The following CYP26B1 variants were observed in gnomAD, a reference collection of about 807,000 sequenced individuals.
CYP26B1 encodes the protein cytochrome P450 26B1.
CYP26B1 carries 8 observed loss-of-function variants against 39.1 expected under a neutral mutation model. The observed-to-expected ratio is 0.20, with a 90% confidence interval of 0.12 to 0.37. The LOEUF (loss-of-function observed/expected upper bound fraction) is 0.37. Ranked by LOEUF, CYP26B1 falls within the 10% of genes least tolerant of loss-of-function variation. CYP26B1 has a pLI of 1.00. For missense variants in CYP26B1, 615 were observed against 707.0 expected (o/e 0.87, Z 1.48); for synonymous variants, 321 against 314.3 (o/e 1.02, Z -0.23).
At position 72,147,578 on chromosome 2, in the gene CYP26B1, C is replaced by T. The variant is rs1190443098; in HGVS notation, c.204+53G>A. ...TGGCCGGCCCGCCGCTCCGTCTGCC[C>T]CGCGCTCGCAGCTAGCGGACCCCGG... On this transcript the variant is annotated intron_variant, in intron 1 of 5. Coordinates refer to ENST00000001146, the MANE Select transcript of CYP26B1 (RefSeq NM_019885.4). The surrounding 1 kb of genome is among the most constrained non-coding windows in gnomAD (Gnocchi z 6.1). The T allele has an allele frequency of 6.5e-7, 1 of 1,538,750 alleles. No individual in the cohort carries two copies. The highest frequency in any genetic ancestry group is 8.7e-7 in the Non-Finnish European group (1 of 1,144,570).
intron 1 of CYP26B1, among the ~76,000 whole-genome samples, chr2:72,145,215 T>G (rs1468762238): frequency 6.6e-6 from 1 of 152,186 alleles, no homozygotes; most frequent in Non-Finnish European, 1.5e-5. Context: ...AGGGGACAAC[T>G]CAGTCCCCCT....
At position 72,144,245 on chromosome 2, in the gene CYP26B1, G is replaced by C. The variant is rs747917303; in HGVS notation, c.205-32C>G. 3 of 1,571,422 alleles carry C rather than the reference G, an allele frequency of 1.9e-6. No individual in the cohort carries two copies. In the East Asian group the frequency reaches 6.8e-5, roughly 36 times the overall value. On this transcript the variant is annotated intron_variant, in intron 1 of 5. Coordinates refer to ENST00000001146, the MANE Select transcript of CYP26B1 (RefSeq NM_019885.4). ...GAGCCACACCCGGGTCTCTCTCAGG[G>C]TGCACTTCTGCAGAGGGCCCGCGAG...
chr2:72,132,959 G>T, intron 5 of CYP26B1, 64 bp downstream of exon 5: 1 of 1,607,576 alleles, frequency 6.2e-7, no homozygotes. Context: ...CTGGTGCCCC[G>T]CCTTGCCCCT....
At chr2:72,140,022 G>A (rs1676894587) in intron 2 of CYP26B1, among the ~76,000 whole-genome samples, 1 of 152,226 alleles carries the variant, frequency 6.6e-6, no homozygotes, top group South Asian at 2.1e-4. Flanking sequence ...AGGGAACCCA[G>A]GACAGATACA....
Position 72,147,527 on chromosome 2 carries a change from A to G in CYP26B1, c.204+104T>C. 1 of 1,153,842 alleles carries G rather than the reference A, an allele frequency of 8.7e-7. No individual in the cohort carries two copies. The highest frequency in any genetic ancestry group is 1.6e-5 in the South Asian group (1 of 62,032). The allele number at this position is 1,153,842 out of a possible 1,614,324, so 71.5% of individuals were successfully genotyped here. A position where few individuals can be genotyped will look rare whatever the true frequency, so the allele number is the denominator to read the frequency against. On this transcript the variant is annotated intron_variant, in intron 1 of 5. Coordinates refer to ENST00000001146, the MANE Select transcript of CYP26B1 (RefSeq NM_019885.4). The surrounding 1 kb of genome is among the most constrained non-coding windows in gnomAD (Gnocchi z 6.1). ...GGAGGGAAGGGGCGGGGCGGGGACC[A>G]GTGCCTTCAGGCTCCCGGCGCCCCC...
intron 2 of CYP26B1, among the ~76,000 whole-genome samples, chr2:72,136,037 T>C (rs972556071): frequency 6.6e-6 from 1 of 151,958 alleles, no homozygotes; most frequent in Middle Eastern, 3.4e-3. Context: ...GTGAGTCCTG[T>C]TTCCACCTCC....
chr2:72,141,707 C>T (rs1292166247), intron 2 of CYP26B1, among the ~76,000 whole-genome samples: 1 of 152,246 alleles, frequency 6.6e-6, no homozygotes, highest in South Asian at 2.1e-4. Flanking sequence ...CTCTCCAGGA[C>T]AATCATGGAT....
rs1387922393 is a variant in CYP26B1 at position 72,134,923 on chromosome 2, A to G, written c.706-7T>C. On this transcript the variant is annotated splice_polypyrimidine_tract_variant and splice_region_variant and intron_variant, in intron 3 of 5. Transcript: ENST00000001146. ...TCTGCCGAGCCTGAATGCCCTGCAG[A>G]GGTGAGGGCTGTCACTCATATGGAA... The G allele has an allele frequency of 1.9e-6, 3 of 1,613,452 alleles. No individual in the cohort carries two copies. Among genetic ancestry groups the G allele is most frequent in the Non-Finnish European group, 2.5e-6 (3 of 1,179,994 alleles).
chr2:72,130,863 G>C lies in CYP26B1; in HGVS notation c.*1364C>G, dbSNP rs569064850. The C allele has an allele frequency of 1.3e-5, 2 of 152,326 alleles. No individual in the cohort carries two copies. The highest frequency in any genetic ancestry group is 4.8e-5 in the African/African-American group (2 of 41,530). 9.4% of individuals were successfully genotyped at this position (152,326 alleles called of 1,614,324 possible). A position where few individuals can be genotyped will look rare whatever the true frequency, so the allele number is the denominator to read the frequency against. On this transcript the variant is annotated 3_prime_UTR_variant, in exon 6 of 6. Coordinates refer to ENST00000001146, the MANE Select transcript of CYP26B1 (RefSeq NM_019885.4). The stretch of plus-strand genomic sequence containing the variant: ...CCCGCAGCTGTCCGGAGACCACACA[G>C]GGCCCTGCAATCAGCTCCGAGGCAG...
intron 2 of CYP26B1, among the ~76,000 whole-genome samples, chr2:72,139,974 C>A (rs1037279682): frequency 6.6e-6 from 1 of 152,238 alleles, no homozygotes; most frequent in Admixed American, 6.5e-5. Flanking sequence ...GTGGTCCCGG[C>A]ATGTCTCAGG....
At position 72,135,375 on chromosome 2, in the gene CYP26B1, C is replaced by G. The variant is rs766345108; in HGVS notation, c.474G>C (p.Leu158=). ...CCTGGATCACCAGCTGGATCTTGGGCAGGTAACTCTCCAGGGCCTCGTGGC... is the reference window on the plus strand; with the variant it reads ...CCTGGATCACCAGCTGGATCTTGGGGAGGTAACTCTCCAGGGCCTCGTGGC... ...IFSHEALESY[L]PKIQLVIQDT... Residue 158 remains leucine, a synonymous_variant, in exon 3 of 6, where the codon CTG becomes CTC. Coordinates refer to ENST00000001146, the MANE Select transcript of CYP26B1 (RefSeq NM_019885.4). 3.1e-6 allele frequency: 5 copies of G among 1,613,466 alleles called. No individual in the cohort carries two copies. The highest frequency in any genetic ancestry group is 1.7e-5 in the Admixed American group (1 of 60,006).
intron 2 of CYP26B1, among the ~76,000 whole-genome samples, chr2:72,143,371 C>CGGGGGGG (rs575862508): frequency 5.6e-5 from 8 of 143,458 alleles, no homozygotes; most frequent in African/African-American, 1.7e-4. Context: ...CTTCCTCTTT[C>CGGGGGGG]GGGGGGGGGT....
chr2:72,144,998 A>G (rs2104100266), intron 1 of CYP26B1, among the ~76,000 whole-genome samples: 1 of 152,188 alleles, frequency 6.6e-6, no homozygotes, highest in South Asian at 2.1e-4. Context: ...CGGGTACCGG[A>G]AACCGTGGAG....
chr2:72,137,931 C>T (rs746246659), intron 2 of CYP26B1, among the ~76,000 whole-genome samples: 18 of 152,306 alleles, frequency 1.2e-4, no homozygotes, highest in Non-Finnish European at 2.1e-4. Context: ...CTGTCTTGGC[C>T]GGCGTCTGAC....
intron 4 of CYP26B1, 62 bp downstream of exon 4, chr2:72,134,699 G>T: frequency 6.4e-7 from 1 of 1,566,994 alleles, no homozygotes; most frequent in Non-Finnish European, 8.6e-7. Flanking sequence ...TTCCACCCAG[G>T]GAAAGCTCAG....
At position 72,147,665 on chromosome 2, in the gene CYP26B1, G is replaced by C. The variant is rs1677159875; in HGVS notation, c.170C>G (p.Pro57Arg). The C allele has an allele frequency of 6.2e-7, 1 of 1,610,046 alleles. No homozygotes were observed. Among genetic ancestry groups the C allele is most frequent in the Non-Finnish European group, 8.5e-7 (1 of 1,178,794 alleles). Reference sequence around the variant, plus strand: ...CCAGTGGCCGGTCTCTCCGATGAGCGGGAAGCCCATGGATCCCTTGGGGAT... The same window carrying C: ...CCAGTGGCCGGTCTCTCCGATGAGCCGGAAGCCCATGGATCCCTTGGGGAT... ...LPIPKGSMGF[P>R]LIGETGHWLL... The change falls in exon 1 of 6, where the codon CCG becomes CGG. Residue 57 changes from proline (P) to arginine (R), a missense_variant. Coordinates refer to ENST00000001146, the MANE Select transcript of CYP26B1 (RefSeq NM_019885.4). The surrounding 1 kb of genome is among the most constrained non-coding windows in gnomAD (Gnocchi z 6.1).
Position 72,147,784 on chromosome 2 carries a change from C to T in CYP26B1, c.51G>A (p.Ala17=), listed in dbSNP as rs368056183. ...DLVSALATLA[A]CLVSVTLLLA... The stretch of plus-strand genomic sequence containing the variant: ...GCAGCAGCGTCACGGACACCAGGCA[C>T]GCGGCGAGGGTGGCCAGCGCCGACA... Residue 17 remains alanine, a synonymous_variant, in exon 1 of 6, where the codon GCG becomes GCA. Transcript: ENST00000001146. This position sits in a 1 kb window ranked among gnomAD's most constrained non-coding sequence, Gnocchi z 6.1. 1.6e-3 allele frequency: 2,512 copies of T among 1,567,246 alleles called. 1 individual carries two copies. The highest frequency in any genetic ancestry group is 2.0e-3 in the Non-Finnish European group (2,293 of 1,157,210).
chr2:72,135,410 TG>T lies in CYP26B1; in HGVS notation c.438del (p.Lys147ArgfsTer18). The T allele has an allele frequency of 6.2e-7, 1 of 1,610,926 alleles. No homozygotes were observed. On this transcript the variant is annotated frameshift_variant, in exon 3 of 6. Coordinates refer to ENST00000001146, the MANE Select transcript of CYP26B1 (RefSeq NM_019885.4). LOFTEE classifies it high-confidence loss of function. ...TCCAGGGCCTCGTGGCTGAAGATCT[TG>T]GAGAAGACCTGGAAGGCAGAGAGGC... Reference protein sequence around the residue: ...DIHRNKRKVFSKIFSHEALES... With the variant: ...DIHRNKRKVFXKIFSHEALES...
In CYP26B1 at chr2:72,147,455, A is replaced by T. The variant is rs1318385396; in HGVS notation, c.204+176T>A. On this transcript the variant is annotated intron_variant, in intron 1 of 5. Coordinates refer to ENST00000001146, the MANE Select transcript of CYP26B1 (RefSeq NM_019885.4). This position sits in a 1 kb window ranked among gnomAD's most constrained non-coding sequence, Gnocchi z 6.1. ...CGCCGCGGGCGCCAGTGGTCCCGGA[A>T]CCGCGCTGCCGGCGGGCTGGGGAAG... Among the ~76,000 whole-genome samples, 1 of 152,006 alleles carries T rather than the reference A, an allele frequency of 6.6e-6. No homozygotes were observed. The highest frequency in any genetic ancestry group is 1.9e-4 in the East Asian group (1 of 5,142).
Sources: allele counts gnomAD v4.1 joint callset (sites outside exome capture counted in the v4.1 genomes callset), GRCh38; gene constraint gnomAD v4.1.1; non-coding constraint Gnocchi (gnomAD v3.1); transcripts MANE v1.5; gene names NCBI Gene and HGNC (gene_info 2026-07-23, HGNC 2026-07-21).